Variants in VPS13D observed in about 807,000 individuals in gnomAD.
The protein encoded by VPS13D is intermembrane lipid transfer protein VPS13D.
In VPS13D, 187 loss-of-function variants were observed where a neutral mutation model predicts 461.9. The ratio of observed to expected loss-of-function variants is 0.40; its 90% CI spans 0.36 to 0.46. The LOEUF (loss-of-function observed/expected upper bound fraction) is 0.46. Among genes scored for constraint, VPS13D ranks in the 20% least tolerant of loss-of-function variants. The pLI is 0.60. For missense variants in VPS13D, 4,711 were observed against 5,364.9 expected (o/e 0.88, Z 3.81); for synonymous variants, 1,951 against 1,986.3 (o/e 0.98, Z 0.47).
chr1:12,285,972 CCTTTCCTTTCCTTTCCTT>C (rs1557686453), intron 21 of VPS13D, among the ~76,000 whole-genome samples: 1,441 of 137,062 alleles, frequency 0.011, 17 homozygotes, highest in Middle Eastern at 0.018. Context: ...CCTTTCCTTT[CCTTTCCTTTCCTTTCCTT>C]TCCTCTCCTC....
At chr1:12,353,155 A>G (rs1643839657) in intron 46 of VPS13D, among the ~76,000 whole-genome samples, 1 of 152,070 alleles carries the variant, frequency 6.6e-6, no homozygotes, top group South Asian at 2.1e-4. Context: ...ATTCATAACC[A>G]TGGCATACTA....
chr1:12,357,243 C>G (rs796437045), intron 49 of VPS13D, among the ~76,000 whole-genome samples: 7 of 152,210 alleles, frequency 4.6e-5, no homozygotes, highest in African/African-American at 1.7e-4. Flanking sequence ...AGAAAGTCTT[C>G]TGGGGTACCA....
chr1:12,376,519 A>C (rs539859248), intron 55 of VPS13D, among the ~76,000 whole-genome samples: 27 of 152,370 alleles, frequency 1.8e-4, no homozygotes, highest in African/African-American at 6.0e-4. Flanking sequence ...TACACTTATC[A>C]CAAAAACCAT....
At chr1:12,314,941 A>G (rs1642850037) in intron 30 of VPS13D, among the ~76,000 whole-genome samples, 1 of 152,208 alleles carries the variant, frequency 6.6e-6, no homozygotes, top group Non-Finnish European at 1.5e-5. Flanking sequence ...CTCTTATATA[A>G]AATAGAAAAT....
chr1:12,308,818 AT>A (rs1285160251), intron 27 of VPS13D, among the ~76,000 whole-genome samples, 177 bp downstream of exon 27: 1 of 152,012 alleles, frequency 6.6e-6, no homozygotes, highest in Non-Finnish European at 1.5e-5. Flanking sequence ...TGCCCGGCTA[AT>A]TTTTGTATTT....
chr1:12,242,228 G>A (rs1249782678), intron 2 of VPS13D, among the ~76,000 whole-genome samples: 6 of 152,170 alleles, frequency 3.9e-5, no homozygotes, highest in Non-Finnish European at 7.3e-5. Context: ...CTGGAAATTC[G>A]TTTAGATGAA....
In VPS13D at chr1:12,291,061, G is replaced by A. The variant is rs370203957; in HGVS notation, c.5789G>A (p.Gly1930Glu). ...TCTCTAAGTGACCTCACATGCCATG[G>A]AGAGTTCTACAGAGAACGGTTCACT... ...SLSLSDLTCH[G>E]EFYRERFTTS... The change falls in exon 23 of 70, where the codon GGA becomes GAA. Residue 1930 changes from glycine (G) to glutamate (E), a missense_variant. Physicochemically the swap from Gly to Glu is moderately conservative, Grantham distance 98. Transcript: ENST00000620676. 5.9e-5 allele frequency: 95 copies of A among 1,613,976 alleles called. No individual in the cohort carries two copies. The highest frequency in any genetic ancestry group is 7.4e-5 in the Non-Finnish European group (87 of 1,180,014).
chr1:12,267,822 A>T, intron 14 of VPS13D, 23 bp from the exon 15 acceptor site: 1 of 1,612,874 alleles, frequency 6.2e-7, no homozygotes, highest in African/African-American at 1.3e-5. Context: ...ACGTTTACGC[A>T]TTTTTGTGTG....
At chr1:12,401,153 T>A (rs1015476533) in intron 61 of VPS13D, among the ~76,000 whole-genome samples, 4 of 152,216 alleles carry the variant, frequency 2.6e-5, no homozygotes, top group African/African-American at 4.8e-5. Context: ...ACAAGCTAGC[T>A]GTTCCAGCAG....
At chr1:12,269,402 G>C (rs1239376630) in intron 16 of VPS13D, among the ~76,000 whole-genome samples, 1 of 152,210 alleles carries the variant, frequency 6.6e-6, no homozygotes, top group East Asian at 1.9e-4. Flanking sequence ...AACCATGGCT[G>C]TATGTTCAGC....
chr1:12,307,555 G>A (rs1425597134), intron 26 of VPS13D, among the ~76,000 whole-genome samples: 2 of 152,124 alleles, frequency 1.3e-5, no homozygotes, highest in African/African-American at 4.8e-5. Flanking sequence ...GTGCAGTGGC[G>A]TGATCTTGGC....
intron 1 of VPS13D, among the ~76,000 whole-genome samples, chr1:12,231,964 C>T (rs1238068652): frequency 6.6e-6 from 1 of 152,150 alleles, no homozygotes; most frequent in African/African-American, 2.4e-5. Context: ...CACTGCACTC[C>T]AGCCTGGGCG....
intron 26 of VPS13D, among the ~76,000 whole-genome samples, chr1:12,307,317 C>CTTA (rs1642595275): frequency 1.3e-5 from 2 of 152,060 alleles, no homozygotes; most frequent in Non-Finnish European, 2.9e-5. Context: ...GAGGGGCGGG[C>CTTA]CATGCCACCT....
In VPS13D at chr1:12,494,494, A is replaced by G. The variant is rs533678126; in HGVS notation, c.12663-3006A>G. The stretch of plus-strand genomic sequence containing the variant: ...GGTGAGCCCTTTACTCCCATTCTCA[A>G]CTATTCTGGAGCTGTCATGAGATTA... On this transcript the variant is annotated intron_variant, in intron 67 of 69. Transcript: ENST00000620676. Among the ~76,000 whole-genome samples the G allele has an allele frequency of 1.1e-4, 16 of 152,264 alleles. No individual in the cohort carries two copies. In the South Asian group the frequency reaches 3.3e-3, roughly 32 times the overall value.
intron 65 of VPS13D, among the ~76,000 whole-genome samples, chr1:12,421,438 T>C (rs2100258807): frequency 6.6e-6 from 1 of 152,360 alleles, no homozygotes; most frequent in South Asian, 2.1e-4. Context: ...TTTCTTCTAG[T>C]TGTGTGTCAT....
At chr1:12,482,799 T>C (rs1256290263) in intron 67 of VPS13D, among the ~76,000 whole-genome samples, 1 of 150,600 alleles carries the variant, frequency 6.6e-6, no homozygotes, top group Non-Finnish European at 1.5e-5. Flanking sequence ...CATATATATA[T>C]ACTAGTATAT....
chr1:12,448,798 A>T (rs1053184051), intron 65 of VPS13D, among the ~76,000 whole-genome samples: 2 of 152,196 alleles, frequency 1.3e-5, no homozygotes, highest in African/African-American at 2.4e-5. Context: ...AAAAAGCAAA[A>T]TCCTATTATG....
At chr1:12,280,500 CTTT>C (rs774648603) in intron 20 of VPS13D, among the ~76,000 whole-genome samples, 3 of 139,776 alleles carry the variant, frequency 2.1e-5, no homozygotes, top group Non-Finnish European at 1.6e-5. Context: ...TGTTGACTTA[CTTT>C]TTTTTTTTTT....
Position 12,276,427 on chromosome 1 carries a change from G to A in VPS13D, c.2839G>A (p.Glu947Lys), listed in dbSNP as rs765497335. 2.4e-5 allele frequency: 39 copies of A among 1,614,100 alleles called. No individual in the cohort carries two copies. The highest frequency in any genetic ancestry group is 3.2e-5 in the Non-Finnish European group (38 of 1,180,052). ...TGTGTTGTTGGAGCAGCATACCCGC[G>A]AGGTTCTGGTGGAGTCGCAGCTCCT... ...SIVLLEQHTR[E>K]VLVESQLLLA... Residue 947 changes from glutamate to lysine, a missense_variant, in exon 19 of 70, where the codon GAG becomes AAG. By Grantham distance (56) the Glu-to-Lys change is moderately conservative (BLOSUM62 1). Coordinates refer to ENST00000620676, the MANE Select transcript of VPS13D (RefSeq NM_015378.4). This position sits in a 1 kb window ranked among gnomAD's most constrained non-coding sequence, Gnocchi z 4.5.
Sources: gnomAD v4.1 joint callset for allele counts (sites outside exome capture counted in the v4.1 genomes callset) on GRCh38, gnomAD v4.1.1 for gene constraint, Gnocchi (gnomAD v3.1) non-coding constraint, MANE v1.5 for transcripts, NCBI Gene and HGNC (gene_info 2026-07-23, HGNC 2026-07-21) for gene names.